Variants in QRFPR observed in about 807,000 individuals in gnomAD.
QRFPR encodes pyroglutamylated RF-amide peptide receptor.
A neutral mutation model predicts 31.3 loss-of-function variants in QRFPR; 37 were observed. That is an observed-to-expected ratio of 1.18 (90% CI 0.91 to 1.56). The LOEUF is 1.56. QRFPR is among the 40% of genes most tolerant of loss of function. The pLI, the probability that QRFPR is intolerant of heterozygous loss-of-function variation, is 0.00. For synonymous variants in QRFPR, 197 were observed against 192.0 expected, an observed-to-expected ratio of 1.03 and a Z score of -0.22; for missense variants, 542 against 532.5, an observed-to-expected ratio of 1.02 and a Z score of -0.18.
At chr4:121,342,488 C>T (rs981511951) in intron 1 of QRFPR, among the ~76,000 whole-genome samples, 1 of 152,168 alleles carries the variant, frequency 6.6e-6, no homozygotes, top group African/African-American at 2.4e-5. Context: ...GGCTGACCTA[C>T]TCTAACAATC....
intron 1 of QRFPR, among the ~76,000 whole-genome samples, chr4:121,377,426 T>C (rs1015041903): frequency 5.5e-5 from 8 of 146,330 alleles, no homozygotes; most frequent in Admixed American, 6.8e-5. Flanking sequence ...TTTTTTTTTT[T>C]CCTCCCCAGT....
At chr4:121,336,079 A>G (rs1157936045) in intron 3 of QRFPR, among the ~76,000 whole-genome samples, 1 of 152,184 alleles carries the variant, frequency 6.6e-6, no homozygotes, top group Non-Finnish European at 1.5e-5. Context: ...AAAGTTTCAC[A>G]TTTGCCTATC....
rs764292227 is a variant in QRFPR at position 121,380,491 on chromosome 4, C to T, written c.157G>A (p.Val53Met). ...AAGAGCGCCAGGGCGAAGATGAGCA[C>T]GCCGGTGAGCACGAGGGCCAGCTTG... The part of the protein sequence containing the change: ...RAKLALVLTG[V>M]LIFALALFGN... Residue 53 changes from valine (V) to methionine (M), a missense_variant, in exon 1 of 6, where the codon GTG becomes ATG. Physicochemically the swap from Val to Met is conservative, Grantham distance 21. Coordinates refer to ENST00000394427, the MANE Select transcript of QRFPR (RefSeq NM_198179.3). 40 of 1,614,066 alleles carry T rather than the reference C, an allele frequency of 2.5e-5. No homozygotes were observed. The East Asian group carries it at 8.5e-4, about 34-fold the overall frequency.
chr4:121,379,774 T>C (rs1339286751), intron 1 of QRFPR, among the ~76,000 whole-genome samples: 1 of 152,196 alleles, frequency 6.6e-6, no homozygotes, highest in Admixed American at 6.5e-5. Context: ...ATTATATTTG[T>C]TTTATGCTCA....
chr4:121,329,507 G>GT lies in QRFPR; in HGVS notation c.1102dup (p.Thr368AsnfsTer26). 1.2e-6 allele frequency: 2 copies of GT among 1,614,044 alleles called. No individual in the cohort carries two copies. Among genetic ancestry groups the GT allele is most frequent in the Non-Finnish European group, 1.7e-6 (2 of 1,179,966 alleles). ...AAACTTTGCTTTCTTCCGCATCATT[G>GT]TAATTCCTGAATTTCCATGCCTTTG... is the stretch of plus-strand genomic sequence containing the variant. On this transcript the variant is annotated frameshift_variant, in exon 6 of 6. Transcript: ENST00000394427. LOFTEE classifies it low-confidence loss of function (END_TRUNC).
At chr4:121,379,069 A>G (rs1420933970) in intron 1 of QRFPR, among the ~76,000 whole-genome samples, 1 of 152,236 alleles carries the variant, frequency 6.6e-6, no homozygotes, top group East Asian at 1.9e-4. Context: ...CAATTACTGC[A>G]TCAGAGTGCA....
intron 1 of QRFPR, among the ~76,000 whole-genome samples, chr4:121,347,924 T>C (rs1289155425): frequency 6.6e-6 from 1 of 152,188 alleles, no homozygotes; most frequent in African/African-American, 2.4e-5. Context: ...GTCAAGATCC[T>C]TGTGAATATA....
chr4:121,357,486 C>T (rs1725893860), intron 1 of QRFPR, among the ~76,000 whole-genome samples: 1 of 152,180 alleles, frequency 6.6e-6, no homozygotes, highest in African/African-American at 2.4e-5. Flanking sequence ...CAAACAGTAA[C>T]TACCAGTTAC....
In QRFPR at chr4:121,365,533, T is replaced by TA. The variant is rs1378524553; in HGVS notation, c.340+14774dup. Among the ~76,000 whole-genome samples, 59 of 8,888 alleles carry TA rather than the reference T, an allele frequency of 6.6e-3. 8 individuals are homozygous for TA. Among genetic ancestry groups the TA allele is most frequent in the Middle Eastern group, 0.05 (1 of 20 alleles). 5.8% of individuals were successfully genotyped at this position (8,888 alleles called of 152,430 possible). A position where few individuals can be genotyped will look rare whatever the true frequency, so the allele number is the denominator to read the frequency against. On this transcript the variant is annotated intron_variant, in intron 1 of 5. Transcript: ENST00000394427. Reference sequence around the variant, plus strand: ...TAATATATATTATATATATTATATATAATATATATTATATATAATATATAA... The same window carrying TA: ...TAATATATATTATATATATTATATATAAATATATATTATATATAATATATAA...
intron 1 of QRFPR, among the ~76,000 whole-genome samples, chr4:121,361,213 A>G (rs1470790449): frequency 1.4e-5 from 2 of 145,562 alleles, no homozygotes; most frequent in African/African-American, 5.1e-5. Flanking sequence ...CAAAGACCAT[A>G]TTTACTTTGA....
At chr4:121,366,882 C>T (rs1261750276) in intron 1 of QRFPR, among the ~76,000 whole-genome samples, 1 of 143,204 alleles carries the variant, frequency 7.0e-6, no homozygotes, top group Admixed American at 7.2e-5. Flanking sequence ...TTATTATTTC[C>T]ACTTCTCTGC....
At chr4:121,347,594 C>T (rs189826369) in intron 1 of QRFPR, among the ~76,000 whole-genome samples, 3 of 152,220 alleles carry the variant, frequency 2.0e-5, no homozygotes, top group Admixed American at 6.5e-5. Flanking sequence ...AATATATTAA[C>T]GCCCTCTCCA....
At chr4:121,365,618 A>G (rs1194358399) in intron 1 of QRFPR, among the ~76,000 whole-genome samples, 1 of 10,950 alleles carries the variant, frequency 9.1e-5, no homozygotes, top group East Asian at 3.7e-3. Context: ...TATATTATAT[A>G]TATTATATAT....
At chr4:121,365,523 ATATT>A (rs1180208493) in intron 1 of QRFPR, among the ~76,000 whole-genome samples, 197 of 7,116 alleles carry the variant, frequency 0.028, 32 homozygotes, top group African/African-American at 0.16. Flanking sequence ...TATATTATAT[ATATT>A]ATATATAATA....
intron 1 of QRFPR, among the ~76,000 whole-genome samples, chr4:121,373,266 T>A (rs560714159): frequency 4.9e-4 from 74 of 152,328 alleles, no homozygotes; most frequent in African/African-American, 1.6e-3. Context: ...ACTGTTCTTG[T>A]CCTAAGTAGA....
intron 1 of QRFPR, among the ~76,000 whole-genome samples, chr4:121,344,082 C>T (rs1725598759): frequency 1.3e-5 from 2 of 152,154 alleles, no homozygotes; most frequent in Non-Finnish European, 2.9e-5. Flanking sequence ...TTAGGCAGCC[C>T]TATTAAAAGA....
intron 1 of QRFPR, among the ~76,000 whole-genome samples, chr4:121,341,729 C>T (rs1725546732): frequency 6.7e-6 from 1 of 149,952 alleles, no homozygotes; most frequent in South Asian, 2.1e-4. Context: ...TGCCAAGATA[C>T]CTCATTATGT....
At chr4:121,376,901 C>T (rs1726364884) in intron 1 of QRFPR, among the ~76,000 whole-genome samples, 1 of 152,142 alleles carries the variant, frequency 6.6e-6, no homozygotes, top group African/African-American at 2.4e-5. Context: ...TTAATGTGCA[C>T]GTGAAACAAT....
chr4:121,330,611 G>T, intron 4 of QRFPR, 88 bp from the exon 5 acceptor site: 1 of 915,498 alleles, frequency 1.1e-6, no homozygotes, highest in Non-Finnish European at 1.8e-6. Flanking sequence ...TCTGAGCTTA[G>T]TTCACTCAAA....
Sources: allele counts gnomAD v4.1 joint callset (sites outside exome capture counted in the v4.1 genomes callset), GRCh38; gene constraint gnomAD v4.1.1; transcripts MANE v1.5; gene names NCBI Gene and HGNC (gene_info 2026-07-23, HGNC 2026-07-21).